The following TMEM117 variants were observed in gnomAD, a reference collection of about 807,000 sequenced individuals.
TMEM117 encodes the protein transmembrane protein 117.
In TMEM117, 27 loss-of-function variants were observed where a neutral mutation model predicts 52.4. The ratio of observed to expected loss-of-function variants is 0.51; its 90% confidence interval spans 0.38 to 0.71. The LOEUF is 0.71. TMEM117 is among the 30% of genes least tolerant of loss of function. TMEM117 has a pLI of 0.00. For missense variants in TMEM117, 556 were observed against 630.5 expected (o/e 0.88, Z 1.26); for synonymous variants, 215 against 206.3 (o/e 1.04, Z -0.36).
the TMEM117 span, among the ~76,000 whole-genome samples, chr12:43,806,817 T>G: frequency 6.6e-6 from 1 of 152,216 alleles, no homozygotes; most frequent in African/African-American, 2.4e-5. Context: ...TAAATTAAGT[T>G]AATCTCAGAC....
intron 5 of TMEM117, among the ~76,000 whole-genome samples, chr12:44,248,281 A>T (rs2138503259): frequency 6.6e-6 from 1 of 152,254 alleles, no homozygotes; most frequent in South Asian, 2.1e-4. Flanking sequence ...CATAGACCAA[A>T]CATGAATGAT....
intron 2 of TMEM117, among the ~76,000 whole-genome samples, chr12:43,912,548 A>T (rs1944530323): frequency 8.1e-6 from 1 of 124,202 alleles, no homozygotes; most frequent in East Asian, 2.2e-4. Context: ...GCAGAATGAA[A>T]GCTCCATGTG....
intron 4 of TMEM117, among the ~76,000 whole-genome samples, chr12:44,206,793 C>G (rs1375409948): frequency 6.6e-6 from 1 of 152,096 alleles, no homozygotes; most frequent in Non-Finnish European, 1.5e-5. Flanking sequence ...ATGGGAACAA[C>G]AGACACAAGG....
intron 3 of TMEM117, among the ~76,000 whole-genome samples, chr12:43,953,475 A>G (rs2137641165): frequency 6.6e-6 from 1 of 152,336 alleles, no homozygotes; most frequent in East Asian, 1.9e-4. Context: ...GCAAATGGAA[A>G]GCAGAAAATA....
intron 1 of TMEM117, among the ~76,000 whole-genome samples, chr12:43,837,085 A>G (rs1407384321): frequency 6.6e-6 from 1 of 152,038 alleles, no homozygotes; most frequent in African/African-American, 2.4e-5. Flanking sequence ...CCATGGATAT[A>G]CTTTCTTTTA....
chr12:44,364,781 G>A (rs1462437303), intron 6 of TMEM117, among the ~76,000 whole-genome samples: 1 of 152,030 alleles, frequency 6.6e-6, no homozygotes, highest in African/African-American at 2.4e-5. Flanking sequence ...TTTTTGCACT[G>A]CCTTAAGTCA....
chr12:43,891,588 G>A (rs544187706), intron 2 of TMEM117, among the ~76,000 whole-genome samples: 27 of 151,454 alleles, frequency 1.8e-4, no homozygotes, highest in Admixed American at 2.0e-4. Flanking sequence ...GGATGGTCTC[G>A]ATCCCCTGAC....
intron 4 of TMEM117, among the ~76,000 whole-genome samples, chr12:44,159,916 A>T (rs2138250700): frequency 6.6e-6 from 1 of 152,302 alleles, no homozygotes; most frequent in African/African-American, 2.4e-5. Flanking sequence ...ATGACAGAGA[A>T]GGCACAGGAA....
chr12:44,372,908 T>G (rs1951883963), intron 6 of TMEM117, among the ~76,000 whole-genome samples: 1 of 152,226 alleles, frequency 6.6e-6, no homozygotes, highest in African/African-American at 2.4e-5. Flanking sequence ...GTTAATTAGC[T>G]TGATTGTGGT....
At chr12:44,315,165 A>G (rs1951038321) in intron 6 of TMEM117, among the ~76,000 whole-genome samples, 1 of 151,552 alleles carries the variant, frequency 6.6e-6, no homozygotes, top group South Asian at 2.1e-4. Context: ...TCTAGCTAGC[A>G]GTCTATCTGT....
chr12:43,894,258 G>T lies in TMEM117; in HGVS notation c.277+49330G>T, dbSNP rs1622590. The stretch of plus-strand genomic sequence containing the variant: ...CTCACATTTCCATTTTCAAGGTGTT[G>T]GTTGGTATTAAATGTATTTTCACAG... On this transcript the variant is annotated intron_variant, in intron 2 of 7. Coordinates refer to ENST00000266534, the MANE Select transcript of TMEM117 (RefSeq NM_032256.3). Among the ~76,000 whole-genome samples, 37 of 152,176 alleles carry T rather than the reference G, an allele frequency of 2.4e-4. 1 individual carries two copies. The South Asian group carries it at 6.0e-3, about 25-fold the overall frequency.
intron 2 of TMEM117, among the ~76,000 whole-genome samples, chr12:43,923,873 T>G (rs1241359125): frequency 1.3e-5 from 2 of 148,650 alleles, no homozygotes; most frequent in East Asian, 4.4e-4. Context: ...TCAGTAATAG[T>G]CAGCAGTGTT....
intron 4 of TMEM117, among the ~76,000 whole-genome samples, chr12:44,152,366 T>C (rs1190241791): frequency 9.3e-6 from 1 of 107,788 alleles, no homozygotes; most frequent in African/African-American, 4.1e-5. Flanking sequence ...ATATGTATTA[T>C]ATCATATATA....
intron 7 of TMEM117, among the ~76,000 whole-genome samples, chr12:44,378,047 T>A (rs909479366): frequency 2.6e-5 from 4 of 152,214 alleles, no homozygotes; most frequent in African/African-American, 9.6e-5. Flanking sequence ...CTCTGCAGCA[T>A]GCTACCCTCT....
At chr12:43,973,680 A>G (rs1243554054) in intron 3 of TMEM117, among the ~76,000 whole-genome samples, 1 of 152,224 alleles carries the variant, frequency 6.6e-6, no homozygotes, top group Admixed American at 6.5e-5. Flanking sequence ...TCAGATTATC[A>G]TATACTTACT....
At chr12:44,294,071 A>G (rs1037367217) in intron 5 of TMEM117, among the ~76,000 whole-genome samples, 3 of 152,086 alleles carry the variant, frequency 2.0e-5, no homozygotes, top group Non-Finnish European at 4.4e-5. Context: ...GCCTTGTTGG[A>G]TATAGCATTC....
chr12:44,089,610 G>A (rs957998840), intron 3 of TMEM117, among the ~76,000 whole-genome samples: 13 of 152,074 alleles, frequency 8.5e-5, no homozygotes, highest in African/African-American at 1.7e-4. Flanking sequence ...CTCTCTCAGC[G>A]TAAGAGAGTC....
At chr12:44,030,512 T>C (rs969722660) in intron 3 of TMEM117, among the ~76,000 whole-genome samples, 6 of 152,172 alleles carry the variant, frequency 3.9e-5, no homozygotes, top group African/African-American at 1.4e-4. Flanking sequence ...TAATGTGTAT[T>C]TGAGACTCCT....
intron 2 of TMEM117, among the ~76,000 whole-genome samples, chr12:43,903,648 A>G (rs910901586): frequency 3.9e-5 from 6 of 152,210 alleles, no homozygotes; most frequent in Non-Finnish European, 8.8e-5. Flanking sequence ...CTCTGACATT[A>G]AAGAAAATGT....
Sources: allele counts gnomAD v4.1 joint callset (sites outside exome capture counted in the v4.1 genomes callset), GRCh38; gene constraint gnomAD v4.1.1; transcripts MANE v1.5; gene names NCBI Gene and HGNC (gene_info 2026-07-23, HGNC 2026-07-21).